The following TPD52 variants were observed in gnomAD, a reference collection of about 807,000 sequenced individuals.
TPD52 encodes tumor protein D52, also known as prostate and colon associated protein.
TPD52 carries 17 observed loss-of-function variants against 31.3 expected under a neutral mutation model. That is an observed-to-expected ratio of 0.54 (90% CI 0.37 to 0.82). The LOEUF (loss-of-function observed/expected upper bound fraction) is 0.82. Ranked by LOEUF, TPD52 falls within the 40% of genes least tolerant of loss-of-function variation. TPD52 has a pLI of 0.00. For missense variants in TPD52, 212 were observed against 240.1 expected, an observed-to-expected ratio of 0.88 and a Z score of 0.77; for synonymous variants, 83 against 89.6, an observed-to-expected ratio of 0.93 and a Z score of 0.42.
At chr8:80,053,621 T>G (rs1184549571) in intron 2 of TPD52, among the ~76,000 whole-genome samples, 191 bp from the exon 3 acceptor site, 1 of 152,146 alleles carries the variant, frequency 6.6e-6, no homozygotes, top group Non-Finnish European at 1.5e-5. Context: ...AGAGTTCTCT[T>G]TCCTCCTCCA....
Position 80,068,062 on chromosome 8 carries a change from G to GTT in TPD52, c.20-3471_20-3470dup, listed in dbSNP as rs78238992. Reference sequence around the variant, plus strand: ...TTATTTGTTCATTAATTTTAATGTTGTTTTTTTTTTCTCAGAATCTGATGG... The same window carrying GTT: ...TTATTTGTTCATTAATTTTAATGTTGTTTTTTTTTTTTCTCAGAATCTGATGG... On this transcript the variant is annotated intron_variant, in intron 1 of 7. Coordinates refer to ENST00000518937, the MANE Select transcript of TPD52 (RefSeq NM_001025253.3). 4.6e-3 allele frequency among the ~76,000 whole-genome samples: 694 copies of GTT among 149,772 alleles called. 10 individuals carry two copies. Among genetic ancestry groups the GTT allele is most frequent in the African/African-American group, 0.015 (616 of 40,922 alleles).
chr8:80,032,333 G>A (rs1168069922), downstream of TPD52, among the ~76,000 whole-genome samples: 1 of 152,114 alleles, frequency 6.6e-6, no homozygotes, highest in East Asian at 1.9e-4. Context: ...GCCAAGAGTA[G>A]CATCCTCTGT....
At chr8:80,064,663 T>C in intron 1 of TPD52, 70 bp from the exon 2 acceptor site, 1 of 1,115,304 alleles carries the variant, frequency 9.0e-7, no homozygotes, top group Non-Finnish European at 1.4e-6. Context: ...GCTCCTCCAC[T>C]GTCCTAGCCA....
intron 1 of TPD52, among the ~76,000 whole-genome samples, chr8:80,124,171 TG>T (rs1347871291): frequency 8.2e-5 from 7 of 85,006 alleles, no homozygotes; most frequent in African/African-American, 6.4e-4. Flanking sequence ...TCTCTCTTTT[TG>T]TTTTTTTTTT....
intron 5 of TPD52, among the ~76,000 whole-genome samples, chr8:80,045,175 G>C (rs1051808837): frequency 6.6e-6 from 1 of 152,146 alleles, no homozygotes; most frequent in Non-Finnish European, 1.5e-5. Context: ...AATACCTAGG[G>C]TATAAGAGTA....
chr8:80,069,656 A>T (rs527526768), intron 1 of TPD52, among the ~76,000 whole-genome samples: 1 of 145,074 alleles, frequency 6.9e-6, no homozygotes, highest in South Asian at 2.2e-4. Flanking sequence ...AAGATTTAAA[A>T]CTTAAGTTAT....
intron 1 of TPD52, among the ~76,000 whole-genome samples, chr8:80,136,320 C>T (rs569994973): frequency 2.0e-5 from 3 of 150,970 alleles, no homozygotes; most frequent in South Asian, 2.1e-4. Flanking sequence ...GTCAGGAAAT[C>T]GAGACCATCC....
intron 1 of TPD52, among the ~76,000 whole-genome samples, chr8:80,082,777 T>C (rs1376550772): frequency 6.6e-6 from 1 of 152,258 alleles, no homozygotes; most frequent in Non-Finnish European, 1.5e-5. Context: ...ACCGGATACC[T>C]GCCCTGAAGG....
At chr8:80,128,653 CCT>C in intron 1 of TPD52, among the ~76,000 whole-genome samples, 1 of 151,304 alleles carries the variant, frequency 6.6e-6, no homozygotes, top group South Asian at 2.1e-4. Flanking sequence ...TGAGCAAGGC[CCT>C]GTCTCAAATA....
intron 7 of TPD52, among the ~76,000 whole-genome samples, chr8:80,040,085 T>G (rs562884592): frequency 1.6e-4 from 24 of 152,202 alleles, no homozygotes; most frequent in African/African-American, 5.5e-4. Flanking sequence ...ATGGACCTCA[T>G]GTTTAATTAA....
At chr8:80,151,992 G>C (rs1447509885) in intron 1 of TPD52, among the ~76,000 whole-genome samples, 1 of 152,172 alleles carries the variant, frequency 6.6e-6, no homozygotes, top group Non-Finnish European at 1.5e-5. Context: ...AGAGACCTAA[G>C]TACTTCCTGG....
intron 1 of TPD52, among the ~76,000 whole-genome samples, chr8:80,084,110 G>A (rs1394781420): frequency 6.6e-6 from 1 of 152,152 alleles, no homozygotes; most frequent in Non-Finnish European, 1.5e-5. Context: ...CCACTCTATT[G>A]TTACTATGTT....
At chr8:80,116,153 A>G (rs981934313) in intron 1 of TPD52, among the ~76,000 whole-genome samples, 13 of 152,306 alleles carry the variant, frequency 8.5e-5, no homozygotes, top group African/African-American at 3.1e-4. Context: ...ACCCTACAAT[A>G]TATCAAAAGA....
At chr8:80,081,425 T>C (rs1815276982) in intron 1 of TPD52, among the ~76,000 whole-genome samples, 1 of 152,204 alleles carries the variant, frequency 6.6e-6, no homozygotes, top group African/African-American at 2.4e-5. Context: ...GACTGTGGCC[T>C]TGGCTCAAGC....
At chr8:80,141,846 G>A (rs1051815376) in intron 1 of TPD52, among the ~76,000 whole-genome samples, 3 of 151,958 alleles carry the variant, frequency 2.0e-5, no homozygotes, top group African/African-American at 7.3e-5. Context: ...GGAGGCAGAG[G>A]TTGCAGTGAG....
intron 1 of TPD52, among the ~76,000 whole-genome samples, chr8:80,112,608 C>G (rs1432525479): frequency 6.6e-6 from 1 of 152,132 alleles, no homozygotes; most frequent in Non-Finnish European, 1.5e-5. Context: ...GTTTATTGGG[C>G]TAGTTAACTG....
chr8:80,126,487 T>TG (rs1323434554), intron 1 of TPD52, among the ~76,000 whole-genome samples: 12 of 148,548 alleles, frequency 8.1e-5, no homozygotes, highest in African/African-American at 3.0e-4. Flanking sequence ...TAATTTTTTT[T>TG]TTTTTTTTTT....
chr8:80,090,099 A>G (rs1422464193), intron 1 of TPD52, among the ~76,000 whole-genome samples: 1 of 152,150 alleles, frequency 6.6e-6, no homozygotes, highest in African/African-American at 2.4e-5. Flanking sequence ...GAAGTTTTAA[A>G]AAGTATTTTA....
intron 1 of TPD52, among the ~76,000 whole-genome samples, chr8:80,149,132 G>A (rs6989549): frequency 0.4 from 60,914 of 152,050 alleles, 12,636 homozygotes; most frequent in East Asian, 0.71. Flanking sequence ...GTCCCCACCC[G>A]AATTTCATCT....
Sources: gnomAD v4.1 joint callset for allele counts (sites outside exome capture counted in the v4.1 genomes callset) on GRCh38, gnomAD v4.1.1 for gene constraint, MANE v1.5 for transcripts, NCBI Gene and HGNC (gene_info 2026-07-23, HGNC 2026-07-21) for gene names.